The following CSMD1 variants were observed in gnomAD, a reference collection of about 807,000 sequenced individuals.
CSMD1 encodes CUB and sushi domain-containing protein 1.
CSMD1 carries 213 observed loss-of-function variants against 417.5 expected under a neutral mutation model. The observed-to-expected ratio is 0.51, with a 90% confidence interval of 0.46 to 0.57. The LOEUF is 0.57. CSMD1 is among the 20% of genes least tolerant of loss of function. The probability of loss-of-function intolerance (pLI) is 0.00; values close to 1 mark genes in which losing one functional copy is unlikely to be tolerated. For synonymous variants in CSMD1, 2,862 were observed against 1,736.8 expected (o/e 1.65, Z -16.11); for missense variants, 6,923 against 4,529.7 (o/e 1.53, Z -15.17).
intron 31 of CSMD1, among the ~76,000 whole-genome samples, chr8:3,203,451 G>A (rs574319941): frequency 3.4e-4 from 52 of 152,318 alleles, no homozygotes; most frequent in African/African-American, 1.2e-3. Context: ...GGCTTCAGCC[G>A]CGGGAACTGT....
chr8:3,234,445 G>A (rs753037489), intron 26 of CSMD1, among the ~76,000 whole-genome samples: 8 of 152,226 alleles, frequency 5.3e-5, no homozygotes, highest in South Asian at 2.1e-4. Flanking sequence ...CATTACTCGT[G>A]TTTTGAACAG....
chr8:4,113,826 G>A (rs1307723413), intron 3 of CSMD1, among the ~76,000 whole-genome samples: 1 of 152,132 alleles, frequency 6.6e-6, no homozygotes, highest in African/African-American at 2.4e-5. Context: ...CTTAAACCAA[G>A]GCCTACTTCA....
intron 3 of CSMD1, among the ~76,000 whole-genome samples, chr8:4,315,917 G>C (rs1798898385): frequency 6.6e-6 from 1 of 152,060 alleles, no homozygotes; most frequent in Non-Finnish European, 1.5e-5. Context: ...GCACTCAAAT[G>C]TACAAAATGA....
At chr8:3,628,357 C>G (rs759245161) in intron 7 of CSMD1, among the ~76,000 whole-genome samples, 1 of 152,228 alleles carries the variant, frequency 6.6e-6, no homozygotes, top group Non-Finnish European at 1.5e-5. Flanking sequence ...AGGGTGACCT[C>G]ACGCCCCTTC....
intron 3 of CSMD1, among the ~76,000 whole-genome samples, chr8:4,126,202 C>A (rs1802755073): frequency 6.6e-6 from 1 of 152,156 alleles, no homozygotes. Context: ...ACCCTGATCC[C>A]CAAATGCTCT....
chr8:3,611,375 T>A (rs749320867), intron 8 of CSMD1, among the ~76,000 whole-genome samples: 2 of 152,238 alleles, frequency 1.3e-5, no homozygotes, highest in Non-Finnish European at 2.9e-5. Context: ...GGAACAAACA[T>A]CTATGTAATT....
At chr8:3,251,699 T>C (rs1280106127) in intron 26 of CSMD1, among the ~76,000 whole-genome samples, 1 of 152,228 alleles carries the variant, frequency 6.6e-6, no homozygotes, top group African/African-American at 2.4e-5. Flanking sequence ...CCCATGAGCA[T>C]GGAATGTTCT....
At chr8:3,550,206 CA>C (rs1195040769) in intron 10 of CSMD1, among the ~76,000 whole-genome samples, 2 of 152,186 alleles carry the variant, frequency 1.3e-5, no homozygotes, top group Non-Finnish European at 2.9e-5. Flanking sequence ...AGCCCATCAG[CA>C]GGCATTCCAA....
intron 5 of CSMD1, among the ~76,000 whole-genome samples, chr8:3,994,995 T>G (rs1720175586): frequency 6.6e-6 from 1 of 152,138 alleles, no homozygotes; most frequent in Non-Finnish European, 1.5e-5. Context: ...ACCCTGTGCT[T>G]GGGAAGAGGT....
chr8:4,324,615 T>G (rs2128886424), intron 3 of CSMD1, among the ~76,000 whole-genome samples: 1 of 152,324 alleles, frequency 6.6e-6, no homozygotes, highest in African/African-American at 2.4e-5. Flanking sequence ...AGTGGCCATT[T>G]ATGACCTCCC....
At chr8:3,037,873 C>T (rs1230027607) in intron 50 of CSMD1, among the ~76,000 whole-genome samples, 1 of 152,086 alleles carries the variant, frequency 6.6e-6, no homozygotes, top group Non-Finnish European at 1.5e-5. Flanking sequence ...TTCTTCTTCC[C>T]CAAGATTTCC....
At chr8:3,459,797 A>G (rs1265700451) in intron 12 of CSMD1, among the ~76,000 whole-genome samples, 2 of 152,102 alleles carry the variant, frequency 1.3e-5, no homozygotes, top group African/African-American at 4.8e-5. Context: ...AGCATCAACA[A>G]CCAGAAACAG....
intron 11 of CSMD1, among the ~76,000 whole-genome samples, chr8:3,490,553 C>A (rs1010671781): frequency 2.0e-5 from 3 of 152,046 alleles, no homozygotes; most frequent in Non-Finnish European, 4.4e-5. Flanking sequence ...TTTCAGCTCT[C>A]CGGAGTGTTT....
intron 12 of CSMD1, among the ~76,000 whole-genome samples, chr8:3,415,514 C>T (rs1416680513): frequency 5.3e-5 from 8 of 152,238 alleles, no homozygotes; most frequent in Admixed American, 1.3e-4. Flanking sequence ...TGCATCATCA[C>T]GCCCAGGTAA....
At chr8:3,134,836 T>G (rs367871415) in intron 41 of CSMD1, among the ~76,000 whole-genome samples, 1 of 152,154 alleles carries the variant, frequency 6.6e-6, no homozygotes, top group Non-Finnish European at 1.5e-5. Context: ...TTCTTATCTG[T>G]GAAATGTGCA....
intron 5 of CSMD1, among the ~76,000 whole-genome samples, chr8:3,803,486 G>A (rs991972924): frequency 1.1e-4 from 16 of 152,182 alleles, no homozygotes; most frequent in Admixed American, 1.0e-3. Context: ...TTCAGAGGCT[G>A]AATAACAAGA....
intron 5 of CSMD1, among the ~76,000 whole-genome samples, chr8:3,867,375 A>G (rs957891079): frequency 2.6e-5 from 4 of 152,128 alleles, no homozygotes; most frequent in African/African-American, 9.7e-5. Flanking sequence ...TGAACTTTAT[A>G]ATACCCCAAA....
intron 2 of CSMD1, among the ~76,000 whole-genome samples, chr8:4,481,887 T>C (rs2130133562): frequency 1.3e-5 from 2 of 152,202 alleles, no homozygotes; most frequent in Middle Eastern, 6.8e-3. Context: ...CACAATGAGA[T>C]CAAGTAGCTT....
intron 3 of CSMD1, among the ~76,000 whole-genome samples, chr8:4,192,676 T>A (rs1428712089): frequency 4.6e-5 from 7 of 152,202 alleles, no homozygotes; most frequent in Non-Finnish European, 1.0e-4. Flanking sequence ...AATCTGCACT[T>A]AAATCTTAAA....
Sources: allele counts gnomAD v4.1 joint callset (sites outside exome capture counted in the v4.1 genomes callset), GRCh38; gene constraint gnomAD v4.1.1; transcripts MANE v1.5; gene names NCBI Gene and HGNC (gene_info 2026-07-23, HGNC 2026-07-21).